Variants in NQO2 observed in about 807,000 individuals in gnomAD.
NQO2 encodes the protein ribosyldihydronicotinamide dehydrogenase [quinone].
NQO2 carries 18 observed loss-of-function variants against 22.0 expected under a neutral mutation model. That is an observed-to-expected ratio of 0.82 (90% CI 0.56 to 1.21). NQO2 has a LOEUF of 1.21. NQO2 is among the 50% of genes most tolerant of loss of function. The probability of loss-of-function intolerance (pLI) is 0.00; values close to 1 mark genes in which losing one functional copy is unlikely to be tolerated. For synonymous variants in NQO2, 106 were observed against 110.8 expected (o/e 0.96, Z 0.28); for missense variants, 267 against 286.9 (o/e 0.93, Z 0.50).
chr6:3,011,614 G>T (rs1020844512), intron 3 of NQO2, among the ~76,000 whole-genome samples: 2 of 152,122 alleles, frequency 1.3e-5, no homozygotes, highest in South Asian at 4.1e-4. Flanking sequence ...AGAATAAACA[G>T]ATTTGACTCA....
Position 3,006,334 on chromosome 6 carries a change from C to T in NQO2, c.-85-134C>T. ...CTGAGGCCTAAATCTCCAGAAGATT[C>T]CTGGCCTCTCTTGAGAGGTCTTTCT... On this transcript the variant is annotated intron_variant, in intron 1 of 6. Transcript: ENST00000380455. The surrounding 1 kb of genome is among the most constrained non-coding windows in gnomAD (Gnocchi z 4.0). 5.1e-6 allele frequency: 7 copies of T among 1,369,048 alleles called. No individual in the cohort carries two copies. The highest frequency in any genetic ancestry group is 6.6e-6 in the Non-Finnish European group (7 of 1,057,998). 84.8% of individuals were successfully genotyped at this position (1,369,048 alleles called of 1,614,324 possible). A position where few individuals can be genotyped will look rare whatever the true frequency, so the allele number is the denominator to read the frequency against.
intron 2 of NQO2, 185 bp from the exon 3 acceptor site, chr6:3,009,840 C>T (rs1757082319): frequency 5.3e-6 from 4 of 759,316 alleles, no homozygotes; most frequent in Non-Finnish European, 6.4e-6. Flanking sequence ...GCATTCCAGC[C>T]TGGGTGACAG....
rs147409565 is a variant in NQO2, at chr6:3,012,099, T to C, written c.173-445T>C. Among the ~76,000 whole-genome samples the C allele has an allele frequency of 2.9e-3, 448 of 152,310 alleles. 3 individuals carry two copies. The highest frequency in any genetic ancestry group is 0.01 in the African/African-American group (436 of 41,572). ...CAAATCTATCAAAAACAATAATCAC[T>C]ACGTGACCTGTTAAGAGCCAAAGAT... On this transcript the variant is annotated intron_variant, in intron 3 of 6. Transcript: ENST00000380455.
intron 2 of NQO2, among the ~76,000 whole-genome samples, chr6:3,007,731 T>A (rs1045946050): frequency 6.6e-6 from 1 of 152,224 alleles, no homozygotes; most frequent in African/African-American, 2.4e-5. Flanking sequence ...TCCTCTTTGT[T>A]ATCAGCATCA....
chr6:3,009,479 G>A (rs917196414), intron 2 of NQO2, among the ~76,000 whole-genome samples: 1 of 152,330 alleles, frequency 6.6e-6, no homozygotes, highest in East Asian at 1.9e-4. Flanking sequence ...ATCCTCCTCA[G>A]CTTATGAAGA....
chr6:3,004,765 C>A, intron 1 of NQO2: 1 of 405,002 alleles, frequency 2.5e-6, no homozygotes, highest in Non-Finnish European at 3.3e-6. Context: ...TGTCTTCACA[C>A]TAAGCCCTAG....
At chr6:3,009,983 G>C (rs372916658) in intron 2 of NQO2, 42 bp from the exon 3 acceptor site, 1 of 1,576,932 alleles carries the variant, frequency 6.3e-7, no homozygotes, top group Middle Eastern at 1.7e-4. Context: ...TTAACAGAGA[G>C]AGGTTGTTCT....
chr6:3,006,119 A>G lies in NQO2; in HGVS notation c.-85-349A>G, dbSNP rs1756942084. ...CCATTGGTGGTGTGGCGGTTCACTG[A>G]TCCCCCAGCCTTCTGCTCGATCTAC... On this transcript the variant is annotated intron_variant, in intron 1 of 6. Transcript: ENST00000380455. The surrounding 1 kb of genome is among the most constrained non-coding windows in gnomAD (Gnocchi z 4.0). 6.6e-6 allele frequency among the ~76,000 whole-genome samples: 1 copy of G among 152,148 alleles called. No homozygotes were observed. Among genetic ancestry groups the G allele is most frequent in the Non-Finnish European group, 1.5e-5 (1 of 68,022 alleles).
intron 5 of NQO2, 130 bp from the exon 6 acceptor site, chr6:3,016,754 T>C (rs571945444): frequency 6.8e-7 from 1 of 1,477,524 alleles, no homozygotes; most frequent in East Asian, 2.5e-5. Flanking sequence ...AGTGTTGCAT[T>C]TGTCCATCCC....
intron 6 of NQO2, among the ~76,000 whole-genome samples, chr6:3,019,096 T>C (rs1048044015): frequency 3.3e-5 from 5 of 152,304 alleles, no homozygotes; most frequent in Admixed American, 2.0e-4. Context: ...TTAACAGATA[T>C]CTTGAACAAA....
In NQO2 at chr6:3,019,619, C is replaced by T. The variant is rs756548379; in HGVS notation, c.660C>T (p.Pro220=). The T allele has an allele frequency of 1.2e-6, 2 of 1,613,884 alleles. No individual in the cohort carries two copies. The highest frequency in any genetic ancestry group is 1.7e-6 in the Non-Finnish European group (2 of 1,179,940). Reference sequence around the variant, plus strand: ...TGCAGACCATCTGGAAGGAAGAGCCCATCCCCTGCACAGCCCACTGGCACT... The same window carrying T: ...TGCAGACCATCTGGAAGGAAGAGCCTATCCCCTGCACAGCCCACTGGCACT... The part of the protein sequence containing the change: ...QRLQTIWKEE[P]IPCTAHWHFG... Residue 220 remains proline (P), a synonymous_variant, in exon 7 of 7, where the codon CCC becomes CCT. Transcript: ENST00000380455.
intron 4 of NQO2, among the ~76,000 whole-genome samples, chr6:3,013,720 G>A (rs997601199): frequency 6.6e-6 from 1 of 152,210 alleles, no homozygotes; most frequent in African/African-American, 2.4e-5. Flanking sequence ...CTGCAAGGAA[G>A]ATGTGCAGGC....
In NQO2 at chr6:3,010,106, T is replaced by C. The variant is rs138386694; in HGVS notation, c.89T>C (p.Leu30Pro). Residue 30 changes from leucine to proline, a missense_variant, in exon 3 of 7, where the codon CTG (leucine) becomes CCG (proline). Leu to Pro is a moderately conservative substitution (Grantham distance 98). Transcript: ENST00000380455. ...TTGAAGAATGTGGCTGTAGATGAAC[T>C]GAGCAGGCAGGGCTGCACCGTCACA... The part of the protein sequence containing the change: ...GSLKNVAVDE[L>P]SRQGCTVTVS... The C allele has an allele frequency of 6.1e-5, 98 of 1,614,074 alleles. No homozygotes were observed. The African/African-American group carries it at 8.9e-4, about 15-fold the overall frequency.
intron 3 of NQO2, among the ~76,000 whole-genome samples, chr6:3,010,808 G>A (rs1341811870): frequency 6.6e-6 from 1 of 152,130 alleles, no homozygotes; most frequent in East Asian, 1.9e-4. Flanking sequence ...CTGCTAGCCA[G>A]CCTTCCCACA....
chr6:3,002,800 A>G (rs886460935), intron 1 of NQO2, among the ~76,000 whole-genome samples: 2 of 145,540 alleles, frequency 1.4e-5, no homozygotes, highest in African/African-American at 5.1e-5. Flanking sequence ...TTTTTCTTTT[A>G]CTTTCTCTTT....
chr6:3,012,101 C>T lies in NQO2; in HGVS notation c.173-443C>T, dbSNP rs1053561021. Among the ~76,000 whole-genome samples the T allele has an allele frequency of 1.4e-4, 22 of 152,268 alleles. 1 individual carries two copies. The highest frequency in any genetic ancestry group is 3.4e-4 in the African/African-American group (14 of 41,532). The stretch of plus-strand genomic sequence containing the variant: ...AATCTATCAAAAACAATAATCACTA[C>T]GTGACCTGTTAAGAGCCAAAGATAA... On this transcript the variant is annotated intron_variant, in intron 3 of 6. Coordinates refer to ENST00000380455, the MANE Select transcript of NQO2 (RefSeq NM_000904.6).
In NQO2 at chr6:3,006,411, A is replaced by G. The variant is rs893972042; in HGVS notation, c.-85-57A>G. On this transcript the variant is annotated intron_variant, in intron 1 of 6. Coordinates refer to ENST00000380455, the MANE Select transcript of NQO2 (RefSeq NM_000904.6). This position sits in a 1 kb window ranked among gnomAD's most constrained non-coding sequence, Gnocchi z 4.0. ...AGCAGCAGTGATGCCTAGATGTGGT[A>G]CATTCGACCTCACCTATGCCTCTCC... 8.7e-6 allele frequency: 13 copies of G among 1,498,316 alleles called. No homozygotes were observed. The African/African-American group carries it at 1.7e-4, about 20-fold the overall frequency. 92.8% of individuals were successfully genotyped at this position (1,498,316 alleles called of 1,614,324 possible). A position where few individuals can be genotyped will look rare whatever the true frequency, so the allele number is the denominator to read the frequency against.
In NQO2 at chr6:3,012,620, C is replaced by T. The variant is rs758656021; in HGVS notation, c.249C>T (p.Ser83=). 20 of 1,613,920 alleles carry T rather than the reference C, an allele frequency of 1.2e-5. No individual in the cohort carries two copies. Among genetic ancestry groups the T allele is most frequent in the South Asian group, 7.7e-5 (7 of 91,072 alleles). Residue 83 remains serine, a synonymous_variant, in exon 4 of 7, where the codon AGC becomes AGT. Transcript: ENST00000380455. ...HEAYKQRSLA[S]DITDEQKKVR... The stretch of plus-strand genomic sequence containing the variant: ...CCTACAAGCAAAGGTCTCTGGCTAG[C>T]GACATCACTGATGAGCAGAAAAAGG...
rs1286155697 is a variant in NQO2 at position 3,016,924 on chromosome 6, C to A, written c.458C>A (p.Ala153Asp). 1 of 1,613,930 alleles carries A rather than the reference C, an allele frequency of 6.2e-7. No individual in the cohort carries two copies. Among genetic ancestry groups the A allele is most frequent in the South Asian group, 1.1e-5 (1 of 91,086 alleles). ...CTTTCCGTAACCACGGGAGGCACGG[C>A]CGAGATGTACACGAAGACAGGAGTC... ...ALLSVTTGGT[A>D]EMYTKTGVNG... Residue 153 changes from alanine to aspartate, a missense_variant, in exon 6 of 7, where the codon GCC becomes GAC. Transcript: ENST00000380455.
Sources: allele counts gnomAD v4.1 joint callset (sites outside exome capture counted in the v4.1 genomes callset), GRCh38; gene constraint gnomAD v4.1.1; non-coding constraint Gnocchi (gnomAD v3.1); transcripts MANE v1.5; gene names NCBI Gene and HGNC (gene_info 2026-07-23, HGNC 2026-07-21).